The following VAV2 variants were observed in gnomAD, a reference collection of about 807,000 sequenced individuals.
The protein encoded by VAV2 is guanine nucleotide exchange factor VAV2.
In VAV2, 67 loss-of-function variants were observed where a neutral mutation model predicts 132.5. The ratio of observed to expected loss-of-function variants is 0.51; its 90% confidence interval spans 0.42 to 0.62. The LOEUF (loss-of-function observed/expected upper bound fraction) is 0.62. Among genes scored for constraint, VAV2 ranks in the 20% least tolerant of loss-of-function variants. VAV2 has a pLI of 0.00. For synonymous variants in VAV2, 492 were observed against 443.5 expected (o/e 1.11, Z -1.37); for missense variants, 938 against 1,153.6 (o/e 0.81, Z 2.71).
chr9:133,781,951 G>A (rs545760718), intron 19 of VAV2, among the ~76,000 whole-genome samples: 1 of 152,298 alleles, frequency 6.6e-6, no homozygotes, highest in South Asian at 2.1e-4. Flanking sequence ...GGGTGGGCGG[G>A]TGTGCGCGTC....
At position 133,870,165 on chromosome 9, in the gene VAV2, C is replaced by T. The variant is rs548647838; in HGVS notation, c.322-8733G>A. Among the ~76,000 whole-genome samples, 9 of 152,262 alleles carry T rather than the reference C, an allele frequency of 5.9e-5. No homozygotes were observed. In the East Asian group the frequency reaches 1.7e-3, roughly 29 times the overall value. On this transcript the variant is annotated intron_variant, in intron 2 of 29. Coordinates refer to ENST00000371850, the MANE Select transcript of VAV2 (RefSeq NM_001134398.2). Reference sequence around the variant, plus strand: ...CAGGAGGAGGCTGGAAAAACAAAAGCGAGCAGGAAAGGCACTTCTCAGCCA... The same window carrying T: ...CAGGAGGAGGCTGGAAAAACAAAAGTGAGCAGGAAAGGCACTTCTCAGCCA...
chr9:133,947,160 G>T (rs1421157219), intron 1 of VAV2, among the ~76,000 whole-genome samples: 1 of 152,188 alleles, frequency 6.6e-6, no homozygotes, highest in Admixed American at 6.5e-5. Context: ...CTGCTGCTTA[G>T]GTGGCAACCT....
chr9:133,813,420 T>C (rs1367474253), intron 4 of VAV2, among the ~76,000 whole-genome samples: 2 of 152,224 alleles, frequency 1.3e-5, no homozygotes, highest in Non-Finnish European at 2.9e-5. Flanking sequence ...AACCTCGCCT[T>C]TGAATATCAG....
intron 1 of VAV2, among the ~76,000 whole-genome samples, chr9:133,970,608 G>T (rs1344074482): frequency 6.6e-6 from 1 of 152,148 alleles, no homozygotes. Flanking sequence ...TCCTTCCCTG[G>T]GCCCAGCCTT....
chr9:133,813,062 CTT>C (rs1432655002), intron 4 of VAV2, among the ~76,000 whole-genome samples: 1 of 152,228 alleles, frequency 6.6e-6, no homozygotes, highest in Non-Finnish European at 1.5e-5. Context: ...CTCAGCAAGT[CTT>C]TCACTGAATC....
chr9:133,856,190 T>A (rs1015894419), intron 3 of VAV2, among the ~76,000 whole-genome samples: 6 of 152,154 alleles, frequency 3.9e-5, no homozygotes, highest in African/African-American at 7.2e-5. Context: ...TGTGAAGATG[T>A]TGTGAAAGCA....
intron 1 of VAV2, among the ~76,000 whole-genome samples, chr9:133,953,200 G>A (rs561428972): frequency 1.8e-4 from 28 of 152,368 alleles, no homozygotes; most frequent in Non-Finnish European, 2.8e-4. Flanking sequence ...TTTCAGGCTC[G>A]CGGCCTCCAG....
intron 2 of VAV2, among the ~76,000 whole-genome samples, chr9:133,867,975 G>A (rs1288706255): frequency 6.6e-6 from 1 of 152,232 alleles, no homozygotes; most frequent in East Asian, 1.9e-4. Flanking sequence ...CTGAGGTCTC[G>A]GGAAGAGTCC....
At position 133,823,970 on chromosome 9, in the gene VAV2, C is replaced by T. The variant is rs1295051458; in HGVS notation, c.449+10302G>A. ...CCCACTGAGAAGGAACAAACGGCCTCTCCCTCAGTGGTGGGGGTGGGGGAG... is the reference window on the plus strand; with the variant it reads ...CCCACTGAGAAGGAACAAACGGCCTTTCCCTCAGTGGTGGGGGTGGGGGAG... On this transcript the variant is annotated intron_variant, in intron 4 of 29. Transcript: ENST00000371850. This position sits in a 1 kb window ranked among gnomAD's most constrained non-coding sequence, Gnocchi z 5.5. Among the ~76,000 whole-genome samples the T allele has an allele frequency of 1.3e-5, 2 of 152,172 alleles. No homozygotes were observed. Among genetic ancestry groups the T allele is most frequent in the African/African-American group, 4.8e-5 (2 of 41,428 alleles).
At chr9:133,964,042 T>TAC (rs1474363806) in intron 1 of VAV2, among the ~76,000 whole-genome samples, 1 of 99,310 alleles carries the variant, frequency 1.0e-5, no homozygotes, top group Non-Finnish European at 2.3e-5. Flanking sequence ...TATATATATA[T>TAC]ATATATACAT....
intron 9 of VAV2, among the ~76,000 whole-genome samples, 184 bp from the exon 10 acceptor site, chr9:133,797,993 C>G (rs543915352): frequency 6.6e-6 from 1 of 152,216 alleles, no homozygotes; most frequent in Non-Finnish European, 1.5e-5. Context: ...CCGAAGCTAC[C>G]GGGCCGCAGG....
chr9:133,839,375 C>A (rs993186475), intron 3 of VAV2, among the ~76,000 whole-genome samples: 5 of 151,318 alleles, frequency 3.3e-5, no homozygotes, highest in African/African-American at 1.2e-4. Context: ...GATAAGTGGA[C>A]AGAAAGGTGG....
rs146972335 is a variant in VAV2, at chr9:133,934,316, G to A, written c.321+4787C>T. ...GACCTCCTTAAATAATAGGGGAAAC[G>A]GCATTTCCTAAACCAGCCAGAGACA... On this transcript the variant is annotated intron_variant, in intron 2 of 29. Transcript: ENST00000371850. Among the ~76,000 whole-genome samples the A allele has an allele frequency of 8.6e-4, 131 of 152,288 alleles. 1 individual carries two copies. Among genetic ancestry groups the A allele is most frequent in the African/African-American group, 2.8e-3 (115 of 41,560 alleles).
intron 19 of VAV2, among the ~76,000 whole-genome samples, chr9:133,782,606 G>T (rs1389043095): frequency 1.3e-5 from 2 of 152,118 alleles, no homozygotes; most frequent in African/African-American, 4.8e-5. Context: ...GCGTCTCTGG[G>T]TGACAATCTC....
rs1271019080 is a variant in VAV2, at chr9:133,794,660, A to AG, written c.1101+1007dup. On this transcript the variant is annotated intron_variant, in intron 12 of 29. Transcript: ENST00000371850. This position sits in a 1 kb window ranked among gnomAD's most constrained non-coding sequence, Gnocchi z 4.6. ...GTCAGAGGGCAGGACTGCAGCCCTG[A>AG]GGGGGGCTGGCAGAGGTGTCCTGTG... Among the ~76,000 whole-genome samples the AG allele has an allele frequency of 6.6e-6, 1 of 152,058 alleles. No homozygotes were observed. Among genetic ancestry groups the AG allele is most frequent in the African/African-American group, 2.4e-5 (1 of 41,430 alleles).
At chr9:133,979,462 T>C (rs1028987242) in intron 1 of VAV2, among the ~76,000 whole-genome samples, 31 of 152,242 alleles carry the variant, frequency 2.0e-4, no homozygotes, top group Non-Finnish European at 4.1e-4. Context: ...AGGGGCTGCA[T>C]GAGGACGGCT....
intron 2 of VAV2, among the ~76,000 whole-genome samples, chr9:133,917,093 A>G (rs1840118990): frequency 6.6e-6 from 1 of 152,098 alleles, no homozygotes; most frequent in South Asian, 2.1e-4. Flanking sequence ...ATCTCTTTGC[A>G]CAAAAGCCCA....
In VAV2 at chr9:133,813,502, A is replaced by T. The variant is rs1588211628; in HGVS notation, c.450-1286T>A. ...CTTGAGAGAGGGAGGGCCCGTGTGC[A>T]TTCGAGGAAGGCCCTCAGCACCTTC... On this transcript the variant is annotated intron_variant, in intron 4 of 29. Coordinates refer to ENST00000371850, the MANE Select transcript of VAV2 (RefSeq NM_001134398.2). Among the ~76,000 whole-genome samples, 3 of 152,210 alleles carry T rather than the reference A, an allele frequency of 2.0e-5. No individual in the cohort carries two copies. The South Asian group carries it at 6.2e-4, about 32-fold the overall frequency.
chr9:133,813,255 T>C (rs545987071), intron 4 of VAV2, among the ~76,000 whole-genome samples: 53 of 152,298 alleles, frequency 3.5e-4, no homozygotes, highest in South Asian at 2.1e-3. Flanking sequence ...GGTGGCAAAG[T>C]TCACTGCTAG....
Sources: gnomAD v4.1 joint callset for allele counts (sites outside exome capture counted in the v4.1 genomes callset) on GRCh38, gnomAD v4.1.1 for gene constraint, Gnocchi (gnomAD v3.1) non-coding constraint, MANE v1.5 for transcripts, NCBI Gene and HGNC (gene_info 2026-07-23, HGNC 2026-07-21) for gene names.